Variants in SPATA17 observed in about 807,000 individuals in gnomAD.
The protein encoded by SPATA17 is spermatogenesis associated 17.
SPATA17 carries 53 observed loss-of-function variants against 62.2 expected under a neutral mutation model. The observed-to-expected ratio is 0.85, with a 90% CI of 0.68 to 1.07. SPATA17 has a LOEUF of 1.07. SPATA17 is among the 50% of genes least tolerant of loss of function. The pLI is 0.00. For missense variants in SPATA17, 466 were observed against 425.5 expected, an observed-to-expected ratio of 1.10 and a Z score of -0.84; for synonymous variants, 146 against 146.8, an observed-to-expected ratio of 0.99 and a Z score of 0.04.
chr1:217,743,580 G>A (rs1373610243), intron 6 of SPATA17, among the ~76,000 whole-genome samples: 1 of 151,864 alleles, frequency 6.6e-6, no homozygotes, highest in African/African-American at 2.4e-5. Context: ...AATACAGAAA[G>A]CAATTTTTAA....
intron 3 of SPATA17, among the ~76,000 whole-genome samples, chr1:217,667,839 C>T (rs1280931687): frequency 6.6e-6 from 1 of 152,210 alleles, no homozygotes; most frequent in Non-Finnish European, 1.5e-5. Flanking sequence ...TGCTTACAAT[C>T]ACGAAGAAAG....
At chr1:217,834,015 G>A (rs375977193) in intron 9 of SPATA17, among the ~76,000 whole-genome samples, 2 of 152,108 alleles carry the variant, frequency 1.3e-5, no homozygotes, top group South Asian at 4.1e-4. Context: ...AGAAGCTAAA[G>A]TTAAGAAATA....
In SPATA17 at chr1:217,869,353, C is replaced by G. The variant is rs1676084421; in HGVS notation, c.*2334C>G. The G allele has an allele frequency of 6.6e-6, 1 of 152,136 alleles. No homozygotes were observed. Among genetic ancestry groups the G allele is most frequent in the South Asian group, 2.1e-4 (1 of 4,824 alleles). The allele number at this position is 152,136 out of a possible 1,614,324, so 9.4% of individuals were successfully genotyped here. ...GGATTAAAATAAGGGGACCAAGGTT[C>G]TCATGCAGATGAAGCCTCCAGGTGG... On this transcript the variant is annotated 3_prime_UTR_variant, in exon 11 of 11. Coordinates refer to ENST00000366933, the MANE Select transcript of SPATA17 (RefSeq NM_138796.4).
chr1:217,649,409 G>C (rs1195615445), intron 2 of SPATA17, among the ~76,000 whole-genome samples: 1 of 152,136 alleles, frequency 6.6e-6, no homozygotes, highest in Non-Finnish European at 1.5e-5. Context: ...AACCCGGAAG[G>C]CGAAGTTTGC....
chr1:217,871,079 A>T lies in SPATA17; in HGVS notation c.*4060A>T, dbSNP rs1304117877. 6.6e-6 allele frequency: 1 copy of T among 152,160 alleles called. No individual in the cohort carries two copies. Among genetic ancestry groups the T allele is most frequent in the East Asian group, 1.9e-4 (1 of 5,190 alleles). The allele number at this position is 152,160 out of a possible 1,614,324, so 9.4% of individuals were successfully genotyped here. A position where few individuals can be genotyped will look rare whatever the true frequency, so the allele number is the denominator to read the frequency against. On this transcript the variant is annotated 3_prime_UTR_variant, in exon 11 of 11. Transcript: ENST00000366933. ...TAATTTATAGTTATATATGATGTAG[A>T]TCTAGATTGTGATGTACACTAAGTG...
chr1:217,753,602 AT>A (rs1672967628), intron 6 of SPATA17, among the ~76,000 whole-genome samples: 1 of 151,754 alleles, frequency 6.6e-6, no homozygotes, highest in Admixed American at 6.6e-5. Flanking sequence ...GAATGAATAT[AT>A]TTTGTATATG....
intron 5 of SPATA17, among the ~76,000 whole-genome samples, chr1:217,688,914 A>T (rs1156961630): frequency 6.6e-6 from 1 of 152,212 alleles, no homozygotes; most frequent in East Asian, 1.9e-4. Context: ...ACTGATATAT[A>T]GTAAGTCCAA....
intron 5 of SPATA17, among the ~76,000 whole-genome samples, chr1:217,701,618 C>T (rs1186288102): frequency 6.6e-6 from 1 of 151,898 alleles, no homozygotes; most frequent in Non-Finnish European, 1.5e-5. Flanking sequence ...AACTCCTGAC[C>T]TCAGGTGATT....
chr1:217,793,458 G>T (rs1674056810), intron 8 of SPATA17, among the ~76,000 whole-genome samples: 1 of 152,026 alleles, frequency 6.6e-6, no homozygotes, highest in Admixed American at 6.5e-5. Flanking sequence ...TTGACCTCGT[G>T]ATCCGCCCGC....
chr1:217,796,614 G>T (rs766624407), intron 8 of SPATA17, among the ~76,000 whole-genome samples: 5 of 152,124 alleles, frequency 3.3e-5, no homozygotes, highest in Non-Finnish European at 7.4e-5. Flanking sequence ...TTTGTACTAT[G>T]AATTCTACTC....
At chr1:217,766,582 A>G (rs867484564) in intron 6 of SPATA17, among the ~76,000 whole-genome samples, 3 of 151,986 alleles carry the variant, frequency 2.0e-5, no homozygotes, top group Admixed American at 1.3e-4. Context: ...TGACGCTATT[A>G]TTTTGAACAA....
intron 9 of SPATA17, among the ~76,000 whole-genome samples, chr1:217,852,088 T>C (rs1190196760): frequency 1.3e-5 from 2 of 152,166 alleles, no homozygotes; most frequent in Non-Finnish European, 2.9e-5. Context: ...ACATGTACCC[T>C]GTTAGCTCTC....
At chr1:217,824,822 G>GTCTA (rs1294743084) in intron 9 of SPATA17, among the ~76,000 whole-genome samples, 2 of 150,782 alleles carry the variant, frequency 1.3e-5, no homozygotes, top group Non-Finnish European at 3.0e-5. Context: ...TAGAAAGAAT[G>GTCTA]TATCCCTGCT....
chr1:217,717,396 G>A (rs1672028944), intron 5 of SPATA17, among the ~76,000 whole-genome samples: 1 of 152,102 alleles, frequency 6.6e-6, no homozygotes, highest in Admixed American at 6.6e-5. Flanking sequence ...GATCACCTGA[G>A]GTCAGGAGTT....
At chr1:217,688,137 G>GGAGGATCACTTGAGCCCAGGAGTCT (rs1671263604) in intron 5 of SPATA17, among the ~76,000 whole-genome samples, 1 of 152,160 alleles carries the variant, frequency 6.6e-6, no homozygotes, top group Non-Finnish European at 1.5e-5. Flanking sequence ...GGCTGCAGCA[G>GGAGGATCACTTGAGCCCAGGAGTCT]GAGGATCACT....
intron 9 of SPATA17, among the ~76,000 whole-genome samples, chr1:217,827,795 C>T (rs1275158573): frequency 3.3e-5 from 5 of 152,146 alleles, no homozygotes; most frequent in Admixed American, 3.3e-4. Flanking sequence ...GAAAACCAAA[C>T]ACCACATGTT....
intron 1 of SPATA17, among the ~76,000 whole-genome samples, chr1:217,647,602 C>T (rs1383569423): frequency 6.6e-6 from 1 of 152,116 alleles, no homozygotes; most frequent in Non-Finnish European, 1.5e-5. Context: ...ATGGAAAGGC[C>T]TAATTGTAGT....
At chr1:217,788,267 G>A (rs886388659) in intron 8 of SPATA17, among the ~76,000 whole-genome samples, 3 of 152,120 alleles carry the variant, frequency 2.0e-5, no homozygotes, top group Non-Finnish European at 4.4e-5. Flanking sequence ...CTTAATACAG[G>A]AGACTATAAT....
chr1:217,713,072 C>T (rs971761601), intron 5 of SPATA17, among the ~76,000 whole-genome samples: 4 of 152,110 alleles, frequency 2.6e-5, no homozygotes, highest in African/African-American at 7.2e-5. Context: ...AGACTAAACC[C>T]ACTGGAAACC....
Sources: allele counts gnomAD v4.1 joint callset (sites outside exome capture counted in the v4.1 genomes callset), GRCh38; gene constraint gnomAD v4.1.1; transcripts MANE v1.5; gene names NCBI Gene and HGNC (gene_info 2026-07-23, HGNC 2026-07-21).